Variants in MDN1 observed in about 807,000 individuals in gnomAD.
MDN1 encodes midasin AAA ATPase 1.
MDN1 carries 266 observed loss-of-function variants against 669.2 expected under a neutral mutation model. The observed-to-expected ratio is 0.40, with a 90% CI of 0.36 to 0.44. The LOEUF (loss-of-function observed/expected upper bound fraction) is 0.44, where lower values mean the gene tolerates loss of function less well. Among genes scored for constraint, MDN1 ranks in the 20% least tolerant of loss-of-function variants. MDN1 has a pLI of 1.00. For missense variants in MDN1, 5,940 were observed against 6,754.0 expected (o/e 0.88, Z 4.22); for synonymous variants, 2,385 against 2,457.1 (o/e 0.97, Z 0.87).
intron 15 of MDN1, among the ~76,000 whole-genome samples, chr6:89,767,928 CT>C (rs2128321974): frequency 6.6e-6 from 1 of 151,996 alleles, no homozygotes; most frequent in Non-Finnish European, 1.5e-5. Context: ...GTAGTCCCAA[CT>C]ACTCAGGAGG....
In MDN1 at chr6:89,718,962, C is replaced by T. The variant is rs1183206092; in HGVS notation, c.6126G>A (p.Leu2042=). The change falls in exon 42 of 102, where the codon CTG becomes CTA. Residue 2042 remains leucine, a synonymous_variant. Coordinates refer to ENST00000369393, the MANE Select transcript of MDN1 (RefSeq NM_014611.3). Reference sequence around the variant, plus strand: ...ACTCCAGGGGTTGGAATGACTGGTGCAGGAGCAACAGGGGATGGCGGGACG... The same window carrying T: ...ACTCCAGGGGTTGGAATGACTGGTGTAGGAGCAACAGGGGATGGCGGGACG... ...PHPSRHPLLL[L]HQSFQPLESI... The T allele has an allele frequency of 4.3e-6, 7 of 1,614,026 alleles. No homozygotes were observed. The highest frequency in any genetic ancestry group is 5.9e-6 in the Non-Finnish European group (7 of 1,180,032).
rs745507824 is a variant in MDN1, at chr6:89,710,711, C to T, written c.7735G>A (p.Val2579Ile). 2.5e-6 allele frequency: 4 copies of T among 1,596,192 alleles called. No individual in the cohort carries two copies. In the South Asian group the frequency reaches 4.6e-5, roughly 18 times the overall value. ...GTATTTGGTTGTAATATTTTGAAAACATTACTGACTGCACCTGAGAGGGAA... is the reference window on the plus strand; with the variant it reads ...GTATTTGGTTGTAATATTTTGAAAATATTACTGACTGCACCTGAGAGGGAA... Reference protein sequence around the residue: ...SHSLSGAVSNVFKILQPNTTD... With the variant: ...SHSLSGAVSNIFKILQPNTTD... Residue 2579 changes from valine (V) to isoleucine (I), a missense_variant, in exon 50 of 102, where the codon GTT (valine) becomes ATT (isoleucine). Val to Ile is a conservative substitution (Grantham distance 29, BLOSUM62 3). Transcript: ENST00000369393.
chr6:89,789,933 A>G, intron 6 of MDN1, 22 bp from the exon 7 acceptor site: 1 of 1,606,270 alleles, frequency 6.2e-7, no homozygotes. Context: ...AGATAAAGTA[A>G]TTACTGAAAA....
At chr6:89,681,032 A>C (rs1265814466) in intron 73 of MDN1, among the ~76,000 whole-genome samples, 2 of 152,230 alleles carry the variant, frequency 1.3e-5, no homozygotes, top group Non-Finnish European at 2.9e-5. Flanking sequence ...AATTATGAAC[A>C]GAGTAGAATG....
Position 89,674,091 on chromosome 6 carries a change from T to A in MDN1, c.13247+13A>T, listed in dbSNP as rs376795643. On this transcript the variant is annotated intron_variant, in intron 79 of 101. Transcript: ENST00000369393. The stretch of plus-strand genomic sequence containing the variant: ...AAGCACACAGAGAAGTGTAAAGACA[T>A]AGACACACTTACCAAGAATGAAAGA... The A allele has an allele frequency of 6.2e-7, 1 of 1,612,612 alleles. No individual in the cohort carries two copies. Among genetic ancestry groups the A allele is most frequent in the African/African-American group, 1.3e-5 (1 of 74,836 alleles).
chr6:89,700,649 G>A lies in MDN1; in HGVS notation c.8635C>T (p.Leu2879=). Residue 2879 remains leucine, a synonymous_variant, in exon 56 of 102, where the codon CTA becomes TTA. Transcript: ENST00000369393. ...GCCAAGTGCTAGAATATTTTACCTAGGCTGACATCTTCCAAAATATTTGCT... is the reference window on the plus strand; with the variant it reads ...GCCAAGTGCTAGAATATTTTACCTAAGCTGACATCTTCCAAAATATTTGCT... The part of the protein sequence containing the change: ...LRANILEDVS[L]DELKNFVHAQ... The A allele has an allele frequency of 6.2e-7, 1 of 1,613,926 alleles. No individual in the cohort carries two copies. Among genetic ancestry groups the A allele is most frequent in the Non-Finnish European group, 8.5e-7 (1 of 1,179,856 alleles).
chr6:89,720,917 T>C lies in MDN1; in HGVS notation c.5968-1692A>G, dbSNP rs1005895030. On this transcript the variant is annotated intron_variant, in intron 40 of 101. Transcript: ENST00000369393. Reference sequence around the variant, plus strand: ...TGGGAGACTGAGGCAGGAAGATTGCTTGAGCCCAGGAGTACAAGACCAGCC... The same window carrying C: ...TGGGAGACTGAGGCAGGAAGATTGCCTGAGCCCAGGAGTACAAGACCAGCC... Among the ~76,000 whole-genome samples, 97 of 152,140 alleles carry C rather than the reference T, an allele frequency of 6.4e-4. 1 individual carries two copies. The highest frequency in any genetic ancestry group is 2.3e-3 in the African/African-American group (95 of 41,430).
chr6:89,727,779 A>T, intron 37 of MDN1, 54 bp downstream of exon 37: 1 of 1,613,008 alleles, frequency 6.2e-7, no homozygotes, highest in Non-Finnish European at 8.5e-7. Context: ...TGAAAGGATG[A>T]CTGCTCCTCA....
intron 84 of MDN1, among the ~76,000 whole-genome samples, chr6:89,666,379 C>T (rs1007478524): frequency 2.0e-5 from 3 of 152,198 alleles, no homozygotes; most frequent in East Asian, 1.9e-4. Flanking sequence ...GATTCTCCTG[C>T]GTCAGCTTCC....
In MDN1 at chr6:89,683,279, G is replaced by C. The variant is rs148554959; in HGVS notation, c.11955C>G (p.Cys3985Trp). 5.6e-6 allele frequency: 9 copies of C among 1,614,052 alleles called. No individual in the cohort carries two copies. The highest frequency in any genetic ancestry group is 7.6e-6 in the Non-Finnish European group (9 of 1,180,040). The change falls in exon 73 of 102, where the codon TGC (cysteine) becomes TGG (tryptophan). Residue 3985 changes from cysteine to tryptophan, a missense_variant. Transcript: ENST00000369393. ...TGTCACTCTCCACCAGGGATGACCG[G>C]CAGGGTTCACTCAGGACTGCTTCAA... ...KKFEAVLSEP[C>W]RSSLVESDKE... is the part of the protein sequence containing the mutation.
chr6:89,815,329 C>G (rs965574855), intron 1 of MDN1: 6 of 478,396 alleles, frequency 1.3e-5, no homozygotes, highest in Admixed American at 2.3e-5. Context: ...GTCCCAAGAG[C>G]TGGATGAAGC....
chr6:89,766,758 C>G (rs1006133588), intron 15 of MDN1, among the ~76,000 whole-genome samples: 1 of 152,104 alleles, frequency 6.6e-6, no homozygotes, highest in Non-Finnish European at 1.5e-5. Context: ...AATGATAAGC[C>G]ATTTCTCTTC....
chr6:89,816,757 T>C (rs1043341326), intron 1 of MDN1, among the ~76,000 whole-genome samples: 2 of 149,576 alleles, frequency 1.3e-5, no homozygotes, highest in African/African-American at 4.9e-5. Flanking sequence ...TCACTGCAAG[T>C]TCCACCTCCC....
intron 1 of MDN1, among the ~76,000 whole-genome samples, chr6:89,805,054 A>AAAAAAT (rs1767927039): frequency 6.6e-6 from 1 of 151,620 alleles, no homozygotes; most frequent in Non-Finnish European, 1.5e-5. Flanking sequence ...AAAAAAAAAA[A>AAAAAAT]AAAAATTCTA....
intron 4 of MDN1, 50 bp downstream of exon 4, chr6:89,794,050 A>G (rs1584381038): frequency 2.1e-6 from 3 of 1,456,010 alleles, no homozygotes; most frequent in Admixed American, 2.2e-5. Flanking sequence ...CAGAAAAGAA[A>G]AAAAAAAAAG....
At chr6:89,652,046 A>G in intron 95 of MDN1, 146 bp downstream of exon 95, 1 of 628,092 alleles carries the variant, frequency 1.6e-6, no homozygotes, top group Non-Finnish European at 2.7e-6. Context: ...ACAGATCTGT[A>G]GGCTTTAGGA....
chr6:89,737,718 G>C (rs912984451), intron 33 of MDN1, among the ~76,000 whole-genome samples: 2 of 119,230 alleles, frequency 1.7e-5, no homozygotes, highest in African/African-American at 6.4e-5. Flanking sequence ...TGCAATCCCA[G>C]CCTAATTTTT....
In MDN1 at chr6:89,673,480, C is replaced by G; in HGVS notation, c.13248-18G>C. The G allele has an allele frequency of 6.2e-7, 1 of 1,610,360 alleles. No individual in the cohort carries two copies. ...AATCTTTCCTGCAACAGAAATGCCA[C>G]AATGTTGAAAGGAATGCATTACAGT... is the stretch of plus-strand genomic sequence containing the variant. On this transcript the variant is annotated intron_variant, in intron 79 of 101. Transcript: ENST00000369393.
At chr6:89,678,097 C>T (rs1811347016) in intron 75 of MDN1, among the ~76,000 whole-genome samples, 1 of 152,176 alleles carries the variant, frequency 6.6e-6, no homozygotes, top group Non-Finnish European at 1.5e-5. Flanking sequence ...CACGGTGAAA[C>T]CCTGTCTCTA....
Sources: allele counts gnomAD v4.1 joint callset (sites outside exome capture counted in the v4.1 genomes callset), GRCh38; gene constraint gnomAD v4.1.1; transcripts MANE v1.5; gene names NCBI Gene and HGNC (gene_info 2026-07-23, HGNC 2026-07-21).